SLC9A9: variants seen among roughly 807,000 people sequenced by gnomAD.
SLC9A9 encodes solute carrier family 9 member A9.
Under a neutral mutation model 77.8 loss-of-function variants are expected in SLC9A9, and 62 were observed. That is an observed-to-expected ratio of 0.80 (90% CI 0.65 to 0.98). The LOEUF is 0.98. SLC9A9 is among the 50% of genes least tolerant of loss of function. The pLI is 0.00. For synonymous variants in SLC9A9, 320 were observed against 283.5 expected (o/e 1.13, Z -1.29); for missense variants, 775 against 774.9 (o/e 1.00, Z 0.00).
intron 12 of SLC9A9, among the ~76,000 whole-genome samples, chr3:143,452,289 C>T (rs1453817304): frequency 6.6e-6 from 1 of 152,024 alleles, no homozygotes; most frequent in East Asian, 1.9e-4. Context: ...CATTAGCACA[C>T]AACAGTATCG....
intron 14 of SLC9A9, among the ~76,000 whole-genome samples, chr3:143,351,410 A>C (rs2032450465): frequency 6.6e-6 from 1 of 152,256 alleles, no homozygotes. Flanking sequence ...AGGTACGTTC[A>C]TCAGGGATTT....
intron 4 of SLC9A9, among the ~76,000 whole-genome samples, chr3:143,724,243 C>A (rs141551182): frequency 3.9e-5 from 6 of 152,158 alleles, no homozygotes; most frequent in Non-Finnish European, 8.8e-5. Context: ...AAGGGTATGG[C>A]ACTCCCTCAT....
rs561230778 is a variant in SLC9A9 at position 143,637,456 on chromosome 3, A to G, written c.755+14799T>C. Among the ~76,000 whole-genome samples the G allele has an allele frequency of 5.4e-4, 83 of 152,350 alleles. 3 individuals are homozygous for G. In the South Asian group the frequency reaches 0.016, roughly 30 times the overall value. On this transcript the variant is annotated intron_variant, in intron 6 of 15. Coordinates refer to ENST00000316549, the MANE Select transcript of SLC9A9 (RefSeq NM_173653.4). ...AAAGCAAAAAGAATGTAAAAACTGA[A>G]CAAAGGCTTTGATAAATATGGATTT...
intron 6 of SLC9A9, among the ~76,000 whole-genome samples, chr3:143,640,019 C>CTTTTT (rs10575577): frequency 1.6e-5 from 2 of 124,144 alleles, no homozygotes; most frequent in South Asian, 2.6e-4. Context: ...CTTTTTTTTT[C>CTTTTT]TTTTTTTTTT....
In SLC9A9 at chr3:143,513,630, T is replaced by A. The variant is rs117139224; in HGVS notation, c.1090-18182A>T. Among the ~76,000 whole-genome samples, 554 of 152,306 alleles carry A rather than the reference T, an allele frequency of 3.6e-3. 23 individuals are homozygous for A. In the East Asian group the frequency reaches 0.094, roughly 26 times the overall value. On this transcript the variant is annotated intron_variant, in intron 9 of 15. Transcript: ENST00000316549. The stretch of plus-strand genomic sequence containing the variant: ...AAGGTTTTAGATATACTTGCCCAGA[T>A]CCATCAGAGGAATCACTTTCCATGG...
intron 9 of SLC9A9, among the ~76,000 whole-genome samples, chr3:143,516,829 A>T (rs1004651760): frequency 1.3e-5 from 2 of 152,196 alleles, no homozygotes; most frequent in Non-Finnish European, 2.9e-5. Context: ...TTTAATAGAT[A>T]CTACAAAATT....
chr3:143,403,071 C>T (rs1389194245), intron 12 of SLC9A9, among the ~76,000 whole-genome samples: 1 of 151,990 alleles, frequency 6.6e-6, no homozygotes, highest in Non-Finnish European at 1.5e-5. Flanking sequence ...TAACAACATC[C>T]TTTGTGCTGT....
intron 3 of SLC9A9, among the ~76,000 whole-genome samples, chr3:143,795,730 A>G (rs2008367935): frequency 6.6e-6 from 1 of 152,214 alleles, no homozygotes; most frequent in African/African-American, 2.4e-5. Flanking sequence ...CTGTGTCTCC[A>G]AAACAAAACA....
At chr3:143,407,619 G>C (rs1173129491) in intron 12 of SLC9A9, among the ~76,000 whole-genome samples, 1 of 152,086 alleles carries the variant, frequency 6.6e-6, no homozygotes, top group African/African-American at 2.4e-5. Flanking sequence ...TCAGAGAATT[G>C]CAAGTTGAGG....
At chr3:143,559,236 C>G (rs991565532) in intron 8 of SLC9A9, among the ~76,000 whole-genome samples, 2 of 152,076 alleles carry the variant, frequency 1.3e-5, no homozygotes, top group African/African-American at 4.8e-5. Context: ...TAATACACAG[C>G]CTTTATATTG....
chr3:143,324,018 T>C (rs2031500878), intron 14 of SLC9A9, among the ~76,000 whole-genome samples: 1 of 152,300 alleles, frequency 6.6e-6, no homozygotes, highest in South Asian at 2.1e-4. Flanking sequence ...TTCCACTATA[T>C]TTGTCAGTCT....
intron 9 of SLC9A9, among the ~76,000 whole-genome samples, chr3:143,514,403 C>G (rs957512145): frequency 6.7e-6 from 1 of 148,760 alleles, no homozygotes; most frequent in Admixed American, 6.6e-5. Flanking sequence ...CTTAAGTAAA[C>G]AGCTACATTA....
intron 12 of SLC9A9, among the ~76,000 whole-genome samples, chr3:143,458,004 G>C (rs2035123704): frequency 2.0e-5 from 3 of 152,102 alleles, no homozygotes; most frequent in Non-Finnish European, 4.4e-5. Context: ...CTATCTACTT[G>C]TTATATCAGT....
chr3:143,792,397 T>C (rs1380025224), intron 4 of SLC9A9, among the ~76,000 whole-genome samples: 1 of 152,230 alleles, frequency 6.6e-6, no homozygotes, highest in African/African-American at 2.4e-5. Flanking sequence ...TTCTTGTTTC[T>C]TATTATATGG....
chr3:143,579,047 A>G (rs1295672987), intron 6 of SLC9A9, among the ~76,000 whole-genome samples: 1 of 152,202 alleles, frequency 6.6e-6, no homozygotes, highest in Non-Finnish European at 1.5e-5. Flanking sequence ...GAAGATAGAT[A>G]ACTGTGAATT....
chr3:143,711,664 A>G (rs192072755), intron 4 of SLC9A9, among the ~76,000 whole-genome samples: 162 of 148,162 alleles, frequency 1.1e-3, no homozygotes, highest in African/African-American at 3.8e-3. Context: ...GACCCTTCCC[A>G]CTATGGCCTC....
chr3:143,296,052 A>C (rs2030254871), intron 14 of SLC9A9, among the ~76,000 whole-genome samples: 1 of 152,286 alleles, frequency 6.6e-6, no homozygotes, highest in East Asian at 1.9e-4. Context: ...TTTTTCTTGA[A>C]TTAATTATTT....
At chr3:143,805,221 T>A (rs1559806317) in intron 2 of SLC9A9, among the ~76,000 whole-genome samples, 1 of 152,120 alleles carries the variant, frequency 6.6e-6, no homozygotes, top group Non-Finnish European at 1.5e-5. Context: ...CAAAACCGTA[T>A]CCAGGCCATC....
At position 143,400,720 on chromosome 3, in the gene SLC9A9, C is replaced by CA. The variant is rs36147058; in HGVS notation, c.1470-18607dup. 7.1e-3 allele frequency among the ~76,000 whole-genome samples: 977 copies of CA among 137,454 alleles called. 6 individuals are homozygous for CA. The highest frequency in any genetic ancestry group is 0.019 in the African/African-American group (701 of 36,412). 90.2% of individuals were successfully genotyped at this position (137,454 alleles called of 152,430 possible). ...AAAAAAACTTTTGACTGAATTTATG[C>CA]AAAAAAAAAAAAAAAAAAGGTAATT... On this transcript the variant is annotated intron_variant, in intron 12 of 15. Transcript: ENST00000316549.
Sources: gnomAD v4.1 joint callset for allele counts (sites outside exome capture counted in the v4.1 genomes callset) on GRCh38, gnomAD v4.1.1 for gene constraint, MANE v1.5 for transcripts, NCBI Gene and HGNC (gene_info 2026-07-23, HGNC 2026-07-21) for gene names.